The following LRP1B variants were observed in gnomAD, a reference collection of about 807,000 sequenced individuals.
The protein encoded by LRP1B is low-density lipoprotein receptor-related protein 1B.
LRP1B carries 217 observed loss-of-function variants against 556.6 expected under a neutral mutation model. The ratio of observed to expected loss-of-function variants is 0.39; its 90% CI spans 0.35 to 0.44. The LOEUF (loss-of-function observed/expected upper bound fraction) is 0.44. Among genes scored for constraint, LRP1B ranks in the 20% least tolerant of loss-of-function variants. LRP1B has a pLI of 1.00. For missense variants in LRP1B, 5,053 were observed against 5,620.8 expected (o/e 0.90, Z 3.23); for synonymous variants, 2,047 against 1,865.8 (o/e 1.10, Z -2.50).
At chr2:140,286,742 T>C (rs1683167382) in intron 84 of LRP1B, among the ~76,000 whole-genome samples, 1 of 151,894 alleles carries the variant, frequency 6.6e-6, no homozygotes, top group Admixed American at 6.6e-5. Context: ...AAAATTAATG[T>C]TTATTTTCAT....
chr2:140,462,162 A>G (rs1366104924), intron 60 of LRP1B, among the ~76,000 whole-genome samples: 1 of 152,194 alleles, frequency 6.6e-6, no homozygotes. Flanking sequence ...TCTTTTTAAT[A>G]TATTTTAAGA....
intron 27 of LRP1B, among the ~76,000 whole-genome samples, chr2:140,856,908 A>G (rs1336062126): frequency 1.3e-5 from 2 of 152,212 alleles, no homozygotes; most frequent in African/African-American, 4.8e-5. Context: ...AAAAATCTAG[A>G]AAGTTAATTT....
At chr2:140,433,341 GC>G (rs1686034632) in intron 66 of LRP1B, among the ~76,000 whole-genome samples, 1 of 152,118 alleles carries the variant, frequency 6.6e-6, no homozygotes, top group Admixed American at 6.5e-5. Flanking sequence ...CAGGTGATCT[GC>G]CCGCCTCAGC....
intron 2 of LRP1B, among the ~76,000 whole-genome samples, chr2:141,733,909 AC>A (rs1352024476): frequency 6.6e-6 from 1 of 152,120 alleles, no homozygotes; most frequent in Non-Finnish European, 1.5e-5. Flanking sequence ...TTATTATAGA[AC>A]CTATAATGTT....
At chr2:142,004,242 A>G (rs183553522) in intron 1 of LRP1B, among the ~76,000 whole-genome samples, 14 of 152,268 alleles carry the variant, frequency 9.2e-5, no homozygotes, top group African/African-American at 2.9e-4. Flanking sequence ...AGGAACTGAG[A>G]AAAACTACTA....
At chr2:142,036,971 A>T (rs1019575554) in intron 1 of LRP1B, among the ~76,000 whole-genome samples, 1 of 151,706 alleles carries the variant, frequency 6.6e-6, no homozygotes, top group Non-Finnish European at 1.5e-5. Flanking sequence ...ATTGATACCC[A>T]GGAACTGGGT....
chr2:141,145,387 T>C (rs550939859), intron 7 of LRP1B, among the ~76,000 whole-genome samples: 55 of 130,566 alleles, frequency 4.2e-4, no homozygotes, highest in Non-Finnish European at 3.6e-4. Context: ...TATTCTTATA[T>C]TTCATTCGTA....
chr2:141,013,258 G>A (rs1416157765), intron 14 of LRP1B, among the ~76,000 whole-genome samples: 2 of 151,892 alleles, frequency 1.3e-5, no homozygotes, highest in Non-Finnish European at 2.9e-5. Context: ...TAAGAGAATT[G>A]TTTTTCTTTA....
chr2:140,991,471 A>C (rs913409860), intron 16 of LRP1B, among the ~76,000 whole-genome samples: 1 of 152,128 alleles, frequency 6.6e-6, no homozygotes, highest in Non-Finnish European at 1.5e-5. Flanking sequence ...AGGGAAGATG[A>C]CATAGTGCTG....
intron 2 of LRP1B, among the ~76,000 whole-genome samples, chr2:141,676,333 A>C (rs1299960425): frequency 6.6e-6 from 1 of 152,158 alleles, no homozygotes; most frequent in Non-Finnish European, 1.5e-5. Context: ...AATAATGCAC[A>C]GTCATGTTGA....
chr2:141,777,803 G>A (rs985315434), intron 2 of LRP1B, among the ~76,000 whole-genome samples: 12 of 152,184 alleles, frequency 7.9e-5, no homozygotes, highest in Admixed American at 2.0e-4. Context: ...GAAACACAGC[G>A]CTTGACTATT....
intron 13 of LRP1B, among the ~76,000 whole-genome samples, chr2:141,015,120 C>T (rs529595054): frequency 2.0e-5 from 3 of 152,176 alleles, no homozygotes; most frequent in African/African-American, 7.2e-5. Context: ...GTTTTGTCAA[C>T]TATGCCTCTG....
intron 2 of LRP1B, among the ~76,000 whole-genome samples, chr2:141,760,427 G>A (rs1002391014): frequency 4.6e-5 from 7 of 152,066 alleles, no homozygotes; most frequent in African/African-American, 1.2e-4. Flanking sequence ...GGGTGATTAC[G>A]AGTGACCTTT....
intron 21 of LRP1B, among the ~76,000 whole-genome samples, chr2:140,908,660 C>T (rs1231097010): frequency 6.8e-6 from 1 of 146,918 alleles, no homozygotes; most frequent in East Asian, 1.9e-4. Context: ...TGATATCAAA[C>T]ATTTTGGCGA....
chr2:140,870,737 T>C (rs2105161574), intron 25 of LRP1B, among the ~76,000 whole-genome samples: 1 of 152,264 alleles, frequency 6.6e-6, no homozygotes, highest in African/African-American at 2.4e-5. Context: ...TTTATTATTT[T>C]TGACTTCTAT....
At chr2:140,746,818 T>TA (rs1688329813) in intron 35 of LRP1B, among the ~76,000 whole-genome samples, 1 of 151,996 alleles carries the variant, frequency 6.6e-6, no homozygotes, top group African/African-American at 2.4e-5. Flanking sequence ...ATTTTGGCCT[T>TA]ACTTTCAGGG....
intron 3 of LRP1B, among the ~76,000 whole-genome samples, chr2:141,364,270 A>AC (rs1553503143): frequency 6.7e-6 from 1 of 148,622 alleles, no homozygotes; most frequent in Non-Finnish European, 1.5e-5. Context: ...TGGAGGAAAT[A>AC]ACACACACAC....
intron 7 of LRP1B, among the ~76,000 whole-genome samples, chr2:141,064,609 CAA>C (rs1329861089): frequency 2.6e-5 from 4 of 151,916 alleles, no homozygotes; most frequent in African/African-American, 9.7e-5. Flanking sequence ...TGCAAAAAAT[CAA>C]AGAGTCCTAA....
intron 7 of LRP1B, among the ~76,000 whole-genome samples, chr2:141,126,360 G>A (rs964409751): frequency 4.6e-5 from 7 of 151,982 alleles, no homozygotes; most frequent in South Asian, 2.1e-4. Flanking sequence ...CAACCATACC[G>A]CTACTCTTCT....
Sources: allele counts gnomAD v4.1 joint callset (sites outside exome capture counted in the v4.1 genomes callset), GRCh38; gene constraint gnomAD v4.1.1; transcripts MANE v1.5; gene names NCBI Gene and HGNC (gene_info 2026-07-23, HGNC 2026-07-21).